TTN: variants seen among roughly 807,000 people sequenced by gnomAD.
The protein encoded by TTN is connectin.
A neutral mutation model predicts 3,223.0 loss-of-function variants in TTN; 1,525 were observed. The observed-to-expected ratio is 0.47, with a 90% CI of 0.45 to 0.49. The LOEUF (loss-of-function observed/expected upper bound fraction) is 0.49. Among genes scored for constraint, TTN ranks in the 20% least tolerant of loss-of-function variants. The pLI, the probability that TTN is intolerant of heterozygous loss-of-function variation, is 0.00. For missense variants in TTN, 40,786 were observed against 43,424.0 expected (o/e 0.94, Z 5.40); for synonymous variants, 14,094 against 15,161.0 (o/e 0.93, Z 5.17).
At chr2:178,735,438 G>A in intron 50 of TTN, 73 bp downstream of exon 50, 2 of 1,381,082 alleles carry the variant, frequency 1.4e-6, no homozygotes, top group Non-Finnish European at 9.6e-7. Flanking sequence ...TGACTGAATT[G>A]TTTGCCAACA....
chr2:178,538,613 C>T lies in TTN; in HGVS notation c.99216G>A (p.Arg33072=). The part of the protein sequence containing the change: ...GLLEATEYEF[R]VFAENETGLS... ...GCCCAGTCTCATTCTCAGCAAAAAC[C>T]CTGAATTCATACTCAGTAGCTTCCA... The change falls in exon 354 of 363, where the codon AGG becomes AGA. Residue 33072 remains arginine (R), a synonymous_variant. Coordinates refer to ENST00000589042, the MANE Select transcript of TTN (RefSeq NM_001267550.2). 2 of 1,613,706 alleles carry T rather than the reference C, an allele frequency of 1.2e-6. No individual in the cohort carries two copies. Among genetic ancestry groups the T allele is most frequent in the Non-Finnish European group, 1.7e-6 (2 of 1,179,724 alleles).
chr2:178,545,044 A>T (rs1417132040), intron 344 of TTN, among the ~76,000 whole-genome samples: 2 of 152,100 alleles, frequency 1.3e-5, no homozygotes, highest in Non-Finnish European at 2.9e-5. Flanking sequence ...TTCCTGCTAA[A>T]CCTCTTCTTA....
Position 178,583,234 on chromosome 2 carries a change from A to G in TTN, c.65576-7T>C. On this transcript the variant is annotated splice_region_variant and splice_polypyrimidine_tract_variant and intron_variant, in intron 312 of 362. Coordinates refer to ENST00000589042, the MANE Select transcript of TTN (RefSeq NM_001267550.2). Reference sequence around the variant, plus strand: ...AGGTCTATCCTGGGAGGGACTGGAAAGAAATAAGATAAAGGACTTAATGTA... The same window carrying G: ...AGGTCTATCCTGGGAGGGACTGGAAGGAAATAAGATAAAGGACTTAATGTA... The G allele has an allele frequency of 6.4e-7, 1 of 1,560,716 alleles. No homozygotes were observed. The highest frequency in any genetic ancestry group is 8.7e-7 in the Non-Finnish European group (1 of 1,152,380).
chr2:178,631,391 C>G (rs984399900), intron 236 of TTN, 91 bp from the exon 237 acceptor site: 51 of 1,348,142 alleles, frequency 3.8e-5, no homozygotes, highest in African/African-American at 1.2e-4. Context: ...TCACAGAGTT[C>G]TGAGTATCTT....
chr2:178,728,553 T>C lies in TTN; in HGVS notation c.19373A>G (p.Lys6458Arg). The change falls in exon 66 of 363, where the codon AAG becomes AGG. Residue 6458 changes from lysine (K) to arginine (R), a missense_variant. Lys to Arg is a conservative substitution (Grantham distance 26). Transcript: ENST00000589042. ...MKQDSGQYTF[K>R]VENDFGSSSC... is the part of the protein sequence containing the mutation. ...ACTGCTTCCGAAGTCATTTTCCACC[T>C]TGAAAGTGTACTGACCGCTGTCCTG... The C allele has an allele frequency of 1.2e-6, 2 of 1,613,008 alleles. No homozygotes were observed. The highest frequency in any genetic ancestry group is 1.7e-6 in the Non-Finnish European group (2 of 1,179,418).
Position 178,664,643 on chromosome 2 carries a change from G to A in TTN, c.36202+11C>T, listed in dbSNP as rs1286695773. ...ATGTTCCCACCCCTCTAAGCTTCCA[G>A]CAAGATATACCTTCATCAGGAAGGA... On this transcript the variant is annotated intron_variant, in intron 167 of 362. Transcript: ENST00000589042. 1.9e-6 allele frequency: 3 copies of A among 1,612,128 alleles called. No individual in the cohort carries two copies. The highest frequency in any genetic ancestry group is 3.3e-5 in the Admixed American group (2 of 59,888).
chr2:178,717,248 T>C lies in TTN; in HGVS notation c.25486A>G (p.Ile8496Val). 2 of 1,613,736 alleles carry C rather than the reference T, an allele frequency of 1.2e-6. No homozygotes were observed. Among genetic ancestry groups the C allele is most frequent in the African/African-American group, 2.7e-5 (2 of 75,032 alleles). Residue 8496 changes from isoleucine (I) to valine (V), a missense_variant, in exon 88 of 363, where the codon ATT becomes GTT. By Grantham distance (29) the Ile-to-Val change is conservative. Transcript: ENST00000589042. ...KITWAKDNRE[I>V]RPGGNYKMTL... The stretch of plus-strand genomic sequence containing the variant: ...ATCTTGTAGTTGCCTCCAGGGCGAA[T>C]CTCTCGGTTATCTTTGGCCCAAGTG...
Position 178,713,792 on chromosome 2 carries a change from G to A in TTN, c.26761+105C>T, listed in dbSNP as rs557432702. 2.8e-5 allele frequency: 39 copies of A among 1,383,526 alleles called. No individual in the cohort carries two copies. The African/African-American group carries it at 3.2e-4, about 11-fold the overall frequency. 85.7% of individuals were successfully genotyped at this position (1,383,526 alleles called of 1,614,324 possible). ...TGAATTTGCTGATTCAGAAGATGTC[G>A]GACTCATGTTATCCTATAGAAGATG... On this transcript the variant is annotated intron_variant, in intron 92 of 362. Coordinates refer to ENST00000589042, the MANE Select transcript of TTN (RefSeq NM_001267550.2).
rs140760859 is a variant in TTN, at chr2:178,778,929, C to G, written c.4153G>C (p.Ala1385Pro). Residue 1385 changes from alanine to proline, a missense_variant, in exon 24 of 363, where the codon GCA becomes CCA. Physicochemically the swap from Ala to Pro is conservative, Grantham distance 27 (BLOSUM62 -1). Coordinates refer to ENST00000589042, the MANE Select transcript of TTN (RefSeq NM_001267550.2). ...ATGTAAGTCGGAGCTCCAAGTGGTG[C>G]AGCAGGCTCCACATACAATTTCCCT... is the stretch of plus-strand genomic sequence containing the variant. Reference protein sequence around the residue: ...CSGKLYVEPAAPLGAPTYIPT... With the variant: ...CSGKLYVEPAPPLGAPTYIPT... 4.3e-6 allele frequency: 7 copies of G among 1,613,986 alleles called. No homozygotes were observed. In the South Asian group the frequency reaches 6.6e-5, roughly 15 times the overall value.
rs756625791 is a variant in TTN, at chr2:178,567,080, A to G, written c.79052T>C (p.Leu26351Pro). Residue 26351 changes from leucine (L) to proline (P), a missense_variant, in exon 326 of 363, where the codon CTC becomes CCC. Leu to Pro is a moderately conservative substitution (Grantham distance 98). Transcript: ENST00000589042. ...GAAAACATATTCATTACCTTCTAAG[A>G]GTTTGGTAACTTTCAGAGAATTGGT... ...VVTNSLKVTKLLEGNEYVFRI... is the reference protein window; with the variant it reads ...VVTNSLKVTKPLEGNEYVFRI... The G allele has an allele frequency of 5.8e-5, 93 of 1,613,440 alleles. No individual in the cohort carries two copies. The highest frequency in any genetic ancestry group is 7.6e-5 in the Non-Finnish European group (90 of 1,179,620).
intron 9 of TTN, 63 bp downstream of exon 9, chr2:178,793,341 G>GT (rs1220486340): frequency 6.3e-7 from 1 of 1,588,122 alleles, no homozygotes. Context: ...CATGGTAAAG[G>GT]TGATTATCTG....
rs777480811 is a variant in TTN, at chr2:178,597,605, G to A, written c.57477C>T (p.Gly19159=). 2.2e-5 allele frequency: 35 copies of A among 1,612,982 alleles called. No homozygotes were observed. In the East Asian group the frequency reaches 5.8e-4, roughly 27 times the overall value. ...VIKNCQRSHQ[G]VYSLLAKNEA... is the part of the protein sequence containing the mutation. Reference sequence around the variant, plus strand: ...CATTTTTGGCAAGAAGAGAATAGACGCCTTGATGGCTCCTCTGGCAGTTCT... The same window carrying A: ...CATTTTTGGCAAGAAGAGAATAGACACCTTGATGGCTCCTCTGGCAGTTCT... The change falls in exon 294 of 363, where the codon GGC becomes GGT. Residue 19159 remains glycine (G), a synonymous_variant. Transcript: ENST00000589042.
rs760729655 is a variant in TTN at position 178,592,638 on chromosome 2, A to G, written c.59367T>C (p.Asp19789=). 7.4e-6 allele frequency: 12 copies of G among 1,613,212 alleles called. No individual in the cohort carries two copies. Among genetic ancestry groups the G allele is most frequent in the African/African-American group, 1.3e-5 (1 of 75,010 alleles). The change falls in exon 301 of 363, where the codon GAT becomes GAC. Residue 19789 remains aspartate (D), a synonymous_variant. Coordinates refer to ENST00000589042, the MANE Select transcript of TTN (RefSeq NM_001267550.2). ...DRLEPPELIL[D]ANMAREQHIK... ...TGTGTTGTTCTCTTGCCATGTTGGC[A>G]TCAAGAATCAACTCAGGGGGTTCTA...
intron 361 of TTN, 53 bp downstream of exon 361, chr2:178,528,221 A>C (rs930663379): frequency 6.5e-7 from 1 of 1,550,106 alleles, no homozygotes; most frequent in South Asian, 1.3e-5. Context: ...AGAGGCAAAA[A>C]AACGATCTAA....
At position 178,595,582 on chromosome 2, in the gene TTN, T is replaced by G; in HGVS notation, c.57772A>C (p.Ile19258Leu). 1 of 1,580,662 alleles carries G rather than the reference T, an allele frequency of 6.3e-7. No individual in the cohort carries two copies. The highest frequency in any genetic ancestry group is 8.6e-7 in the Non-Finnish European group (1 of 1,161,662). ...LIQGKAYFFR[I>L]AAENSIGMGP... Reference sequence around the variant, plus strand: ...ATGCCAATACTATTTTCAGCCGCAATTCGGAAAAAGTAGGCTTTTCCTTGA... The same window carrying G: ...ATGCCAATACTATTTTCAGCCGCAAGTCGGAAAAAGTAGGCTTTTCCTTGA... The change falls in exon 295 of 363, where the codon ATT (isoleucine) becomes CTT (leucine). Residue 19258 changes from isoleucine to leucine, a missense_variant. Transcript: ENST00000589042.
chr2:178,717,518 C>T lies in TTN; in HGVS notation c.25351+5G>A, dbSNP rs1434006251. On this transcript the variant is annotated splice_donor_5th_base_variant and intron_variant, in intron 87 of 362. Coordinates refer to ENST00000589042, the MANE Select transcript of TTN (RefSeq NM_001267550.2). ...ACAATGAAGAGGGTACTGTGAGTTA[C>T]TCACCTGAGAGAATGAGCTTGGCAC... is the stretch of plus-strand genomic sequence containing the variant. The T allele has an allele frequency of 6.3e-7, 1 of 1,593,316 alleles. No homozygotes were observed. The highest frequency in any genetic ancestry group is 8.6e-7 in the Non-Finnish European group (1 of 1,169,264).
Position 178,718,213 on chromosome 2 carries a change from A to T in TTN, c.24793T>A (p.Tyr8265Asn). The change falls in exon 86 of 363, where the codon TAC becomes AAC. Residue 8265 changes from tyrosine (Y) to asparagine (N), a missense_variant. By Grantham distance (143) the Tyr-to-Asn change is moderately radical. Transcript: ENST00000589042. ...ACATGTTCCAGAGGTTCAATAAAGT[A>T]CGGTGGTTCTATGGTACAAAGGATG... ...EALVSVLEPP[Y>N]FIEPLEHVEA... 1 of 1,599,512 alleles carries T rather than the reference A, an allele frequency of 6.3e-7. No homozygotes were observed. The highest frequency in any genetic ancestry group is 8.5e-7 in the Non-Finnish European group (1 of 1,175,874).
rs758716435 is a variant in TTN, at chr2:178,547,432, T to C, written c.94194A>G (p.Ala31398=). ...RFGVSKPLES[A]PIIAEHPFVP... is the part of the protein sequence containing the mutation. Reference sequence around the variant, plus strand: ...CAAATGGATGTTCAGCAATTATTGGTGCTGATTCTAGAGGTTTGCTGACAC... The same window carrying C: ...CAAATGGATGTTCAGCAATTATTGGCGCTGATTCTAGAGGTTTGCTGACAC... The change falls in exon 339 of 363, where the codon GCA becomes GCG. Residue 31398 remains alanine (A), a synonymous_variant. Coordinates refer to ENST00000589042, the MANE Select transcript of TTN (RefSeq NM_001267550.2). The C allele has an allele frequency of 1.0e-5, 16 of 1,604,376 alleles. No homozygotes were observed. Among genetic ancestry groups the C allele is most frequent in the South Asian group, 4.4e-5 (4 of 90,586 alleles).
Position 178,611,117 on chromosome 2 carries a change from C to T in TTN, c.51012G>A (p.Lys17004=). The change falls in exon 270 of 363, where the codon AAG becomes AAA. Residue 17004 remains lysine, a synonymous_variant. Coordinates refer to ENST00000589042, the MANE Select transcript of TTN (RefSeq NM_001267550.2). ...CAAGGTGTGCAGAGATGTGATCATTCTTCATTGTTAATCTATCACTTGCTT... is the reference window on the plus strand; with the variant it reads ...CAAGGTGTGCAGAGATGTGATCATTTTTCATTGTTAATCTATCACTTGCTT... ...EVKASDRLTM[K]NDHISAHLEV... is the part of the protein sequence containing the mutation. The T allele has an allele frequency of 6.2e-7, 1 of 1,612,832 alleles. No individual in the cohort carries two copies. Among genetic ancestry groups the T allele is most frequent in the Non-Finnish European group, 8.5e-7 (1 of 1,179,232 alleles).
Sources: gnomAD v4.1 joint callset for allele counts (sites outside exome capture counted in the v4.1 genomes callset) on GRCh38, gnomAD v4.1.1 for gene constraint, MANE v1.5 for transcripts, NCBI Gene and HGNC (gene_info 2026-07-23, HGNC 2026-07-21) for gene names.